IGFN1: variants seen among roughly 807,000 people sequenced by gnomAD.
The protein encoded by IGFN1 is immunoglobulin-like and fibronectin type III domain-containing protein 1.
Under a neutral mutation model 289.5 loss-of-function variants are expected in IGFN1, and 253 were observed. That is an observed-to-expected ratio of 0.87 (90% CI 0.79 to 0.97). IGFN1 has a LOEUF of 0.97. Among genes scored for constraint, IGFN1 ranks in the 50% least tolerant of loss-of-function variants. IGFN1 has a pLI of 0.00. For missense variants in IGFN1, 4,470 were observed against 4,686.1 expected, an observed-to-expected ratio of 0.95 and a Z score of 1.35; for synonymous variants, 1,706 against 1,788.5, an observed-to-expected ratio of 0.95 and a Z score of 1.16.
chr1:201,224,968 T>C, intron 21 of IGFN1, 94 bp downstream of exon 21: 1 of 880,958 alleles, frequency 1.1e-6, no homozygotes, highest in Non-Finnish European at 1.7e-6. Flanking sequence ...TCTCAGCCAC[T>C]CTACCAGGGC....
At chr1:201,204,363 C>A (rs1339030589) in intron 10 of IGFN1, among the ~76,000 whole-genome samples, 1 of 152,218 alleles carries the variant, frequency 6.6e-6, no homozygotes, top group Non-Finnish European at 1.5e-5. Flanking sequence ...GGAACTGACA[C>A]TCCTCCTTCA....
rs765467834 is a variant in IGFN1 at position 201,213,424 on chromosome 1, A to G, written c.8531A>G (p.Gln2844Arg). 5 of 1,613,946 alleles carry G rather than the reference A, an allele frequency of 3.1e-6. No homozygotes were observed. Among genetic ancestry groups the G allele is most frequent in the Non-Finnish European group, 4.2e-6 (5 of 1,179,960 alleles). The change falls in exon 12 of 24, where the codon CAG becomes CGG. Residue 2844 changes from glutamine to arginine, a missense_variant. By Grantham distance (43) the Gln-to-Arg change is conservative. This residue lies in a region of IGFN1 where 2,218 missense variants were observed against 2,114.1 expected (regional missense o/e 1.05). Transcript: ENST00000335211. ...GADEAGSMGW[Q>R]PMGENWGCLE... The stretch of plus-strand genomic sequence containing the variant: ...GACGAGGCTGGAAGCATGGGGTGGC[A>G]GCCTATGGGAGAGAACTGGGGGTGC...
Position 201,211,343 on chromosome 1 carries a change from G to A in IGFN1, c.6450G>A (p.Lys2150=), listed in dbSNP as rs1293358068. 2 of 1,491,732 alleles carry A rather than the reference G, an allele frequency of 1.3e-6. No homozygotes were observed. The allele number at this position is 1,491,732 out of a possible 1,614,324, so 92.4% of individuals were successfully genotyped here. A position where few individuals can be genotyped will look rare whatever the true frequency, so the allele number is the denominator to read the frequency against. Residue 2150 remains lysine (K), a synonymous_variant, in exon 12 of 24, where the codon AAG becomes AAA. Coordinates refer to ENST00000335211, the MANE Select transcript of IGFN1 (RefSeq NM_001164586.2). ...ATAGGAAGGATTTGGGGGCTCCTAAGGGAATGGGTTCAGAGAGTAAGGCAG... is the reference window on the plus strand; with the variant it reads ...ATAGGAAGGATTTGGGGGCTCCTAAAGGAATGGGTTCAGAGAGTAAGGCAG... ...AGYRKDLGAP[K]GMGSESKAGF...
At chr1:201,194,971 A>G (rs1007227) in intron 3 of IGFN1, among the ~76,000 whole-genome samples, 54,849 of 151,876 alleles carry the variant, frequency 0.36, 10,048 homozygotes, top group East Asian at 0.49. Context: ...AGGCTGAGGG[A>G]TTCCTTGAGG....
intron 13 of IGFN1, among the ~76,000 whole-genome samples, chr1:201,214,585 G>A (rs1455223758): frequency 2.0e-5 from 3 of 151,826 alleles, no homozygotes; most frequent in Non-Finnish European, 4.4e-5. Flanking sequence ...ATCCTTCAAG[G>A]CCTCGTACAA....
Position 201,215,075 on chromosome 1 carries a change from G to A in IGFN1, c.8916G>A (p.Thr2972=), listed in dbSNP as rs200103792. The change falls in exon 14 of 24, where the codon ACG becomes ACA. Residue 2972 remains threonine, a synonymous_variant. Coordinates refer to ENST00000335211, the MANE Select transcript of IGFN1 (RefSeq NM_001164586.2). ...QDGLVHSLFI[T]HVQGTQAGRY... ...GTCTCGTGCACAGCCTCTTCATCAC[G>A]CATGTGCAGGGGACCCAAGCTGGGA... 41 of 1,613,932 alleles carry A rather than the reference G, an allele frequency of 2.5e-5. No homozygotes were observed. Among genetic ancestry groups the A allele is most frequent in the African/African-American group, 4.0e-5 (3 of 74,872 alleles).
rs1385389820 is a variant in IGFN1, at chr1:201,221,674, A to G, written c.10129A>G (p.Thr3377Ala). ...RPGEGYFVRVTAVNEGGQSQP... is the reference protein window; with the variant it reads ...RPGEGYFVRVAAVNEGGQSQP... ...TGGAGAGGGCTACTTCGTGCGGGTGACAGCAGTTAATGAAGGAGGCCAGAG... is the reference window on the plus strand; with the variant it reads ...TGGAGAGGGCTACTTCGTGCGGGTGGCAGCAGTTAATGAAGGAGGCCAGAG... Residue 3377 changes from threonine (T) to alanine (A), a missense_variant, in exon 19 of 24, where the codon ACA becomes GCA. Coordinates refer to ENST00000335211, the MANE Select transcript of IGFN1 (RefSeq NM_001164586.2). The G allele has an allele frequency of 3.1e-5, 50 of 1,613,928 alleles. No homozygotes were observed. The highest frequency in any genetic ancestry group is 4.0e-5 in the Non-Finnish European group (47 of 1,179,952).
chr1:201,195,181 T>C (rs1037089276), intron 3 of IGFN1, among the ~76,000 whole-genome samples: 18 of 151,926 alleles, frequency 1.2e-4, no homozygotes, highest in African/African-American at 4.1e-4. Context: ...AGATGGAGTC[T>C]CGCTCTGTTG....
Position 201,221,660 on chromosome 1 carries a change from A to T in IGFN1, c.10115A>T (p.Tyr3372Phe), listed in dbSNP as rs769116497. The T allele has an allele frequency of 6.2e-7, 1 of 1,614,194 alleles. No homozygotes were observed. The highest frequency in any genetic ancestry group is 8.5e-7 in the Non-Finnish European group (1 of 1,180,020). Residue 3372 changes from tyrosine to phenylalanine, a missense_variant, in exon 19 of 24, where the codon TAC becomes TTC. Tyr to Phe is a conservative substitution (Grantham distance 22, BLOSUM62 3). This residue lies in a region of IGFN1 where 2,218 missense variants were observed against 2,114.1 expected (regional missense o/e 1.05). Coordinates refer to ENST00000335211, the MANE Select transcript of IGFN1 (RefSeq NM_001164586.2). ...TAKGLRPGEG[Y>F]FVRVTAVNEG... ...AAGGGGCTTCGGCCTGGAGAGGGCT[A>T]CTTCGTGCGGGTGACAGCAGTTAAT... is the stretch of plus-strand genomic sequence containing the variant.
Position 201,195,705 on chromosome 1 carries a change from G to T in IGFN1, c.128-134G>T, listed in dbSNP as rs561332843. 218 of 957,928 alleles carry T rather than the reference G, an allele frequency of 2.3e-4. 1 individual carries two copies. The South Asian group carries it at 4.0e-3, about 18-fold the overall frequency. 59.3% of individuals were successfully genotyped at this position (957,928 alleles called of 1,614,324 possible). On this transcript the variant is annotated intron_variant, in intron 3 of 23. Transcript: ENST00000335211. Reference sequence around the variant, plus strand: ...CTGAGTCCTGAGTCAAGGGGACCAAGGCCTGGCATCCTTTTTGGAAGGGGC... The same window carrying T: ...CTGAGTCCTGAGTCAAGGGGACCAATGCCTGGCATCCTTTTTGGAAGGGGC...
At chr1:201,217,106 C>T (rs546566526) in intron 16 of IGFN1, among the ~76,000 whole-genome samples, 181 bp from the exon 17 acceptor site, 30 of 152,270 alleles carry the variant, frequency 2.0e-4, no homozygotes, top group African/African-American at 7.2e-4. Context: ...TCTGTCCTTT[C>T]GTTCCTTCCC....
rs1383994609 is a variant in IGFN1 at position 201,208,993 on chromosome 1, C to G, written c.4100C>G (p.Ser1367Cys). ...GATTATAGCGGTGGTTTAAAGGGTT[C>G]CAGGGAAATCGGGTCAATGGATGAA... is the stretch of plus-strand genomic sequence containing the variant. ...KADYSGGLKG[S>C]REIGSMDETD... Residue 1367 changes from serine (S) to cysteine (C), a missense_variant, in exon 12 of 24, where the codon TCC (serine) becomes TGC (cysteine). Physicochemically the swap from Ser to Cys is moderately radical, Grantham distance 112 (BLOSUM62 -1). Around this residue, in one of 8 missense-constraint regions of IGFN1, gnomAD observed 2,011 missense variants for 1,953.4 expected, o/e 1.03. Coordinates refer to ENST00000335211, the MANE Select transcript of IGFN1 (RefSeq NM_001164586.2). The G allele has an allele frequency of 4.6e-6, 7 of 1,535,454 alleles. No homozygotes were observed. The highest frequency in any genetic ancestry group is 6.1e-6 in the Non-Finnish European group (7 of 1,146,576).
chr1:201,213,485 G>A lies in IGFN1; in HGVS notation c.8592G>A (p.Glu2864=). 2.5e-6 allele frequency: 4 copies of A among 1,614,038 alleles called. No homozygotes were observed. Among genetic ancestry groups the A allele is most frequent in the Non-Finnish European group, 2.5e-6 (3 of 1,179,958 alleles). Residue 2864 remains glutamate, a synonymous_variant, in exon 12 of 24, where the codon GAG becomes GAA. Transcript: ENST00000335211. The part of the protein sequence containing the change: ...EEMLNEDQSR[E]PPGHLGSRRS... Reference sequence around the variant, plus strand: ...TGCTGAATGAAGATCAGAGCCGGGAGCCCCCTGGTCACCTTGGTAGCAGGA... The same window carrying A: ...TGCTGAATGAAGATCAGAGCCGGGAACCCCCTGGTCACCTTGGTAGCAGGA...
chr1:201,206,005 T>C, intron 11 of IGFN1, 78 bp from the exon 12 acceptor site: 1 of 1,077,962 alleles, frequency 9.3e-7, no homozygotes, highest in Non-Finnish European at 1.4e-6. Context: ...TTTGGCCGGA[T>C]TTAACAGGAG....
chr1:201,206,302 A>G lies in IGFN1; in HGVS notation c.1409A>G (p.Tyr470Cys). Reference sequence around the variant, plus strand: ...AGGGATGGCCTTGGCAGACATGGCTACTCCTTGATGGGGGACAAAGGGACA... The same window carrying G: ...AGGGATGGCCTTGGCAGACATGGCTGCTCCTTGATGGGGGACAAAGGGACA... ...PDRDGLGRHG[Y>C]SLMGDKGTAD... Residue 470 changes from tyrosine (Y) to cysteine (C), a missense_variant, in exon 12 of 24, where the codon TAC becomes TGC. By Grantham distance (194) the Tyr-to-Cys change is radical. Transcript: ENST00000335211. The G allele has an allele frequency of 6.5e-7, 1 of 1,550,102 alleles. No individual in the cohort carries two copies. Among genetic ancestry groups the G allele is most frequent in the Non-Finnish European group, 8.7e-7 (1 of 1,146,812 alleles).
chr1:201,217,067 G>A (rs1653356983), intron 16 of IGFN1, among the ~76,000 whole-genome samples: 1 of 152,280 alleles, frequency 6.6e-6, no homozygotes, highest in East Asian at 1.9e-4. Flanking sequence ...CTCAGGGCTG[G>A]TTCTAGGCTC....
At position 201,216,765 on chromosome 1, in the gene IGFN1, G is replaced by T; in HGVS notation, c.9595+12G>T. Reference sequence around the variant, plus strand: ...GGTGGCTCCTGAGGGTGAGAGAAAAGGCTGGGGCTGGGGGTGGGGGACACT... The same window carrying T: ...GGTGGCTCCTGAGGGTGAGAGAAAATGCTGGGGCTGGGGGTGGGGGACACT... On this transcript the variant is annotated intron_variant, in intron 16 of 23. Transcript: ENST00000335211. 6.3e-7 allele frequency: 1 copy of T among 1,578,168 alleles called. No individual in the cohort carries two copies. Among genetic ancestry groups the T allele is most frequent in the Non-Finnish European group, 8.6e-7 (1 of 1,160,258 alleles).
intron 3 of IGFN1, among the ~76,000 whole-genome samples, chr1:201,194,676 G>A (rs568974980): frequency 6.6e-6 from 1 of 152,314 alleles, no homozygotes; most frequent in African/African-American, 2.4e-5. Flanking sequence ...CCAGGCAGCA[G>A]CACCTGCTGT....
chr1:201,206,300 C>T lies in IGFN1; in HGVS notation c.1407C>T (p.Gly469=), dbSNP rs910544197. Residue 469 remains glycine, a synonymous_variant, in exon 12 of 24, where the codon GGC becomes GGT. Coordinates refer to ENST00000335211, the MANE Select transcript of IGFN1 (RefSeq NM_001164586.2). ...ACAGGGATGGCCTTGGCAGACATGG[C>T]TACTCCTTGATGGGGGACAAAGGGA... ...SPDRDGLGRH[G]YSLMGDKGTA... 1.5e-5 allele frequency: 23 copies of T among 1,550,082 alleles called. No homozygotes were observed. Among genetic ancestry groups the T allele is most frequent in the Non-Finnish European group, 1.9e-5 (22 of 1,146,780 alleles).
Sources: allele counts gnomAD v4.1 joint callset (sites outside exome capture counted in the v4.1 genomes callset), GRCh38; gene constraint gnomAD v4.1.1; regional missense constraint gnomAD v4.1.1; transcripts MANE v1.5; gene names NCBI Gene and HGNC (gene_info 2026-07-23, HGNC 2026-07-21).